Variants in THSD7B observed in about 807,000 individuals in gnomAD.
The protein encoded by THSD7B is thrombospondin type-1 domain-containing protein 7B.
Under a neutral mutation model 213.6 loss-of-function variants are expected in THSD7B, and 138 were observed. That is an observed-to-expected ratio of 0.65 (90% CI 0.56 to 0.74). THSD7B has a LOEUF of 0.74. Ranked by LOEUF, THSD7B falls within the 30% of genes least tolerant of loss-of-function variation. The pLI is 0.00. For synonymous variants in THSD7B, 742 were observed against 687.0 expected, an observed-to-expected ratio of 1.08 and a Z score of -1.25; for missense variants, 1,931 against 1,991.5, an observed-to-expected ratio of 0.97 and a Z score of 0.58.
intron 2 of THSD7B, among the ~76,000 whole-genome samples, chr2:137,048,851 G>A (rs1687013731): frequency 1.3e-5 from 2 of 152,154 alleles, no homozygotes; most frequent in Non-Finnish European, 2.9e-5. Context: ...GTAGTATAAA[G>A]CGAACAGATA....
At chr2:136,792,916 T>C (rs563292076) in intron 1 of THSD7B, among the ~76,000 whole-genome samples, 34 of 152,144 alleles carry the variant, frequency 2.2e-4, no homozygotes, top group African/African-American at 8.2e-4. Flanking sequence ...CATTTATCAG[T>C]AGTTAATTCC....
intron 14 of THSD7B, among the ~76,000 whole-genome samples, chr2:137,429,204 T>C (rs1558794442): frequency 6.6e-6 from 1 of 152,098 alleles, no homozygotes; most frequent in Non-Finnish European, 1.5e-5. Flanking sequence ...AGGGTCTCTT[T>C]TGGGGGTGAT....
At chr2:137,669,110 C>A (rs947862739) in intron 27 of THSD7B, among the ~76,000 whole-genome samples, 1 of 152,050 alleles carries the variant, frequency 6.6e-6, no homozygotes, top group Non-Finnish European at 1.5e-5. Flanking sequence ...CAAAGTGTTA[C>A]TTCAATTTTT....
intron 12 of THSD7B, among the ~76,000 whole-genome samples, chr2:137,294,814 C>T (rs1415938240): frequency 2.0e-5 from 3 of 151,824 alleles, no homozygotes; most frequent in Non-Finnish European, 4.4e-5. Flanking sequence ...GAACGTATAC[C>T]CCATGGGTAA....
At chr2:137,186,610 GTTGTC>G (rs1475191085) in intron 7 of THSD7B, among the ~76,000 whole-genome samples, 3 of 152,020 alleles carry the variant, frequency 2.0e-5, no homozygotes, top group African/African-American at 7.2e-5. Flanking sequence ...TTTGATTACT[GTTGTC>G]TTGTAGTGTA....
intron 7 of THSD7B, among the ~76,000 whole-genome samples, chr2:137,187,304 C>G (rs1411723130): frequency 2.0e-5 from 3 of 152,040 alleles, no homozygotes; most frequent in Non-Finnish European, 2.9e-5. Flanking sequence ...GAGTGTTTCA[C>G]AAAGGAATGA....
intron 1 of THSD7B, among the ~76,000 whole-genome samples, chr2:136,795,202 G>A (rs1363999274): frequency 2.6e-5 from 4 of 151,938 alleles, no homozygotes; most frequent in African/African-American, 4.8e-5. Flanking sequence ...TGCTAAAACC[G>A]AGGTGTCAGC....
intron 3 of THSD7B, among the ~76,000 whole-genome samples, chr2:137,090,398 A>G (rs894372552): frequency 2.4e-4 from 36 of 152,212 alleles, no homozygotes; most frequent in Admixed American, 2.0e-3. Flanking sequence ...CTATTTTTCT[A>G]TATGTGCGAT....
At chr2:137,038,550 T>A (rs536558461) in intron 2 of THSD7B, among the ~76,000 whole-genome samples, 1 of 152,310 alleles carries the variant, frequency 6.6e-6, no homozygotes, top group East Asian at 1.9e-4. Context: ...TATGTTTAAT[T>A]TGTATTAAAT....
In THSD7B at chr2:137,089,988, CAG is replaced by C. The variant is rs1687919551; in HGVS notation, c.951-4882_951-4881del. 4.6e-5 allele frequency among the ~76,000 whole-genome samples: 7 copies of C among 151,304 alleles called. No individual in the cohort carries two copies. The South Asian group carries it at 1.5e-3, about 32-fold the overall frequency. ...TGCCACTGCACTCCAGCCTGGGTGA[CAG>C]AGTTAGAGTCGGTCTCAAAAAAAAG... On this transcript the variant is annotated intron_variant, in intron 3 of 27. Transcript: ENST00000409968.
chr2:137,179,303 A>C (rs1680411921), intron 7 of THSD7B, among the ~76,000 whole-genome samples: 1 of 152,164 alleles, frequency 6.6e-6, no homozygotes, highest in Non-Finnish European at 1.5e-5. Flanking sequence ...CATTAGTCAC[A>C]GGGACACAGT....
At chr2:137,480,387 T>A (rs1443039059) in intron 15 of THSD7B, among the ~76,000 whole-genome samples, 1 of 152,210 alleles carries the variant, frequency 6.6e-6, no homozygotes, top group African/African-American at 2.4e-5. Flanking sequence ...ACAAAACATT[T>A]GTGGTCGAGT....
chr2:137,094,867 T>A lies in THSD7B; in HGVS notation c.951-6T>A. On this transcript the variant is annotated splice_polypyrimidine_tract_variant and splice_region_variant and intron_variant, in intron 3 of 27. Transcript: ENST00000409968. The stretch of plus-strand genomic sequence containing the variant: ...GCCTCCTATTTTCTACTTCTGTTTT[T>A]TTCAGCCTTTGCCTTCAAGATTCCT... The A allele has an allele frequency of 1.9e-6, 3 of 1,608,460 alleles. No individual in the cohort carries two copies. Among genetic ancestry groups the A allele is most frequent in the East Asian group, 4.5e-5 (2 of 44,722 alleles).
At chr2:136,965,059 C>T (rs1249013301) in intron 2 of THSD7B, among the ~76,000 whole-genome samples, 8 of 149,830 alleles carry the variant, frequency 5.3e-5, no homozygotes, top group Non-Finnish European at 1.0e-4. Flanking sequence ...TCTGTATTGT[C>T]TCATTATCCA....
At chr2:136,787,167 T>A (rs1247423823) in intron 1 of THSD7B, among the ~76,000 whole-genome samples, 1 of 152,174 alleles carries the variant, frequency 6.6e-6, no homozygotes, top group Non-Finnish European at 1.5e-5. Flanking sequence ...AATCCAATAT[T>A]ATTCAGAAAA....
chr2:137,180,181 T>C (rs1354818379), intron 7 of THSD7B, among the ~76,000 whole-genome samples: 1 of 152,164 alleles, frequency 6.6e-6, no homozygotes. Context: ...AAGGCATTAC[T>C]GTGTACAGTA....
intron 14 of THSD7B, among the ~76,000 whole-genome samples, chr2:137,419,325 T>C (rs1225034663): frequency 2.0e-5 from 3 of 151,208 alleles, no homozygotes; most frequent in African/African-American, 4.8e-5. Flanking sequence ...GCTTATCCTG[T>C]AGCCACTGCA....
intron 2 of THSD7B, among the ~76,000 whole-genome samples, chr2:136,966,493 A>G (rs1685316800): frequency 6.6e-6 from 1 of 152,250 alleles, no homozygotes; most frequent in Admixed American, 6.5e-5. Context: ...CTGGAATTAT[A>G]GGCATGAGCC....
chr2:137,476,417 C>T (rs910069914), intron 15 of THSD7B, among the ~76,000 whole-genome samples: 1 of 151,818 alleles, frequency 6.6e-6, no homozygotes. Context: ...AAGTGTTTTC[C>T]CTATCTTTTC....
Sources: allele counts gnomAD v4.1 joint callset (sites outside exome capture counted in the v4.1 genomes callset), GRCh38; gene constraint gnomAD v4.1.1; transcripts MANE v1.5; gene names NCBI Gene and HGNC (gene_info 2026-07-23, HGNC 2026-07-21).